The following MYH3 variants were observed in gnomAD, a reference collection of about 807,000 sequenced individuals.
MYH3 encodes myosin-3.
A neutral mutation model predicts 238.0 loss-of-function variants in MYH3; 130 were observed. That is an observed-to-expected ratio of 0.55 (90% confidence interval 0.47 to 0.63). The LOEUF (loss-of-function observed/expected upper bound fraction) is 0.63, where lower values mean the gene tolerates loss of function less well. Among genes scored for constraint, MYH3 ranks in the 30% least tolerant of loss-of-function variants. MYH3 has a pLI of 0.00. For missense variants in MYH3, 1,853 were observed against 2,374.9 expected, an observed-to-expected ratio of 0.78 and a Z score of 4.57; for synonymous variants, 880 against 924.1, an observed-to-expected ratio of 0.95 and a Z score of 0.86.
At chr17:10,656,775 A>G (rs2074435627) in intron 1 of MYH3, among the ~76,000 whole-genome samples, 1 of 152,166 alleles carries the variant, frequency 6.6e-6, no homozygotes, top group African/African-American at 2.4e-5. Flanking sequence ...GGGCAGGGGC[A>G]GGTCTCCTTG....
chr17:10,671,889 C>G, the MYH3 span, among the ~76,000 whole-genome samples: 2 of 152,144 alleles, frequency 1.3e-5, no homozygotes, highest in Admixed American at 6.5e-5. Context: ...GGTGGGAACA[C>G]CCGCGCCCAG....
chr17:10,645,611 C>T (rs1294923954), intron 12 of MYH3, 96 bp downstream of exon 12: 1 of 1,492,898 alleles, frequency 6.7e-7, no homozygotes. Flanking sequence ...GTGTGAGCCA[C>T]TGTGCCTGGC....
the MYH3 span, among the ~76,000 whole-genome samples, chr17:10,669,612 G>A: frequency 6.7e-6 from 1 of 149,798 alleles, no homozygotes; most frequent in Non-Finnish European, 1.5e-5. Flanking sequence ...GACCTCTTAA[G>A]TCATCTTCAG....
At chr17:10,676,543 CT>C in the MYH3 span, 1 of 152,056 alleles carries the variant, frequency 6.6e-6, no homozygotes, top group Non-Finnish European at 1.5e-5. Flanking sequence ...GTTAACTATT[CT>C]ACTTTTTGAA....
At chr17:10,648,156 CT>C (rs2074341587) in intron 8 of MYH3, among the ~76,000 whole-genome samples, 1 of 152,140 alleles carries the variant, frequency 6.6e-6, no homozygotes, top group South Asian at 2.1e-4. Context: ...ACTGGCCCCC[CT>C]GCCCTCCTCC....
chr17:10,650,234 C>T (rs2074362183), intron 6 of MYH3, 140 bp downstream of exon 6: 5 of 767,972 alleles, frequency 6.5e-6, no homozygotes, highest in Non-Finnish European at 6.6e-6. Flanking sequence ...TCTCAGCCTA[C>T]CAAAGTGCTG....
At chr17:10,641,232 C>T (rs778302269) in intron 18 of MYH3, 30 bp from the exon 19 acceptor site, 9 of 1,611,090 alleles carry the variant, frequency 5.6e-6, no homozygotes, top group Non-Finnish European at 7.6e-6. Context: ...ATCAGCCTTA[C>T]ACAGAATTTC....
Position 10,648,605 on chromosome 17 carries a change from C to T in MYH3, c.687G>A (p.Glu229=). The T allele has an allele frequency of 6.2e-7, 1 of 1,614,116 alleles. No individual in the cohort carries two copies. The highest frequency in any genetic ancestry group is 1.1e-5 in the South Asian group (1 of 91,080). The change falls in exon 8 of 41, where the codon GAG becomes GAA. Residue 229 remains glutamate (E), a synonymous_variant. Coordinates refer to ENST00000583535, the MANE Select transcript of MYH3 (RefSeq NM_002470.4). ...DQIISANPLL[E]AFGNAKTVRN... ...TCACAGTCTTGGCGTTCCCAAAGGC[C>T]TCCAGCAGGGGATTGGCACTGATGA...
At chr17:10,676,045 A>T in the MYH3 span, 1 of 152,226 alleles carries the variant, frequency 6.6e-6, no homozygotes, top group African/African-American at 2.4e-5. Flanking sequence ...ATCCAAGAGC[A>T]AAAACAAAAA....
intron 17 of MYH3, among the ~76,000 whole-genome samples, chr17:10,641,735 C>T (rs1332749134): frequency 2.0e-5 from 3 of 152,034 alleles, no homozygotes; most frequent in Non-Finnish European, 4.4e-5. Flanking sequence ...AGGATGGTCT[C>T]GATCTTCTGA....
At chr17:10,656,992 A>G (rs1368411404) in intron 1 of MYH3, among the ~76,000 whole-genome samples, 3 of 152,144 alleles carry the variant, frequency 2.0e-5, no homozygotes, top group Admixed American at 6.5e-5. Flanking sequence ...CGGGGCATCC[A>G]AAAGGATCCT....
intron 28 of MYH3, among the ~76,000 whole-genome samples, chr17:10,636,454 T>G (rs146092809): frequency 1.1e-3 from 162 of 152,348 alleles, no homozygotes; most frequent in Admixed American, 4.6e-3. Flanking sequence ...CAGCTGTTTA[T>G]TGATTTGTTA....
Position 10,630,280 on chromosome 17 carries a change from G to A in MYH3, c.5457+8C>T, listed in dbSNP as rs144297333. On this transcript the variant is annotated splice_region_variant and intron_variant, in intron 37 of 40. Coordinates refer to ENST00000583535, the MANE Select transcript of MYH3 (RefSeq NM_002470.4). ...GCTCAGCGCAGGCGGGGTTCCTCCT[G>A]CACACACCCTGGTCTCCAGTTTCTG... 6.2e-7 allele frequency: 1 copy of A among 1,601,254 alleles called. No individual in the cohort carries two copies. Among genetic ancestry groups the A allele is most frequent in the Non-Finnish European group, 8.5e-7 (1 of 1,171,416 alleles).
chr17:10,669,280 C>T, the MYH3 span, among the ~76,000 whole-genome samples: 8 of 152,090 alleles, frequency 5.3e-5, no homozygotes, highest in South Asian at 2.1e-4. Flanking sequence ...AGGCCGGGTG[C>T]GGTGGCTCAC....
At chr17:10,652,864 A>G (rs936319511) in intron 3 of MYH3, among the ~76,000 whole-genome samples, 2 of 150,814 alleles carry the variant, frequency 1.3e-5, no homozygotes, top group Non-Finnish European at 1.5e-5. Flanking sequence ...CTCGTGATCC[A>G]CCCGCCTCAG....
At chr17:10,674,512 A>G in the MYH3 span, 1 of 241,308 alleles carries the variant, frequency 4.1e-6, no homozygotes, top group South Asian at 4.3e-5. Flanking sequence ...TCTGCTAAGT[A>G]CCCCAGTGGT....
Position 10,633,633 on chromosome 17 carries a change from C to T in MYH3, c.4605G>A (p.Glu1535=), listed in dbSNP as rs1270220568. The part of the protein sequence containing the change: ...HELEKSRKQI[E]LEKADIQLAL... ...CCAGCTGGATATCAGCCTTTTCCAG[C>T]TCAATCTGCTTTCTTGATTTCTCCA... The change falls in exon 33 of 41, where the codon GAG becomes GAA. Residue 1535 remains glutamate (E), a synonymous_variant. Transcript: ENST00000583535. 5 of 1,613,814 alleles carry T rather than the reference C, an allele frequency of 3.1e-6. No individual in the cohort carries two copies. The highest frequency in any genetic ancestry group is 4.5e-5 in the East Asian group (2 of 44,894).
At chr17:10,666,523 C>A in the MYH3 span, among the ~76,000 whole-genome samples, 1 of 143,494 alleles carries the variant, frequency 7.0e-6, no homozygotes, top group Non-Finnish European at 1.5e-5. Context: ...GGGAGAATTG[C>A]TTGAGCCCAG....
At chr17:10,662,370 C>A in the MYH3 span, among the ~76,000 whole-genome samples, 2 of 152,128 alleles carry the variant, frequency 1.3e-5, no homozygotes, top group African/African-American at 4.8e-5. Flanking sequence ...AAGTACAAAG[C>A]GTAATAAATG....
Sources: allele counts gnomAD v4.1 joint callset (sites outside exome capture counted in the v4.1 genomes callset), GRCh38; gene constraint gnomAD v4.1.1; transcripts MANE v1.5; gene names NCBI Gene and HGNC (gene_info 2026-07-23, HGNC 2026-07-21).